The following DOCK8 variants were observed in gnomAD, a reference collection of about 807,000 sequenced individuals.
DOCK8 encodes dedicator of cytokinesis 8.
A neutral mutation model predicts 245.6 loss-of-function variants in DOCK8; 141 were observed. That is an observed-to-expected ratio of 0.57 (90% CI 0.50 to 0.66). The LOEUF (loss-of-function observed/expected upper bound fraction) is 0.66, where lower values mean the gene tolerates loss of function less well. Ranked by LOEUF, DOCK8 falls within the 30% of genes least tolerant of loss-of-function variation. The pLI, the probability that DOCK8 is intolerant of heterozygous loss-of-function variation, is 0.00. For synonymous variants in DOCK8, 1,168 were observed against 970.2 expected, an observed-to-expected ratio of 1.20 and a Z score of -3.79; for missense variants, 2,965 against 2,603.4, an observed-to-expected ratio of 1.14 and a Z score of -3.02.
intron 22 of DOCK8, 36 bp downstream of exon 22, chr9:382,721 G>A (rs753378638): frequency 1.9e-6 from 3 of 1,610,566 alleles, no homozygotes; most frequent in South Asian, 1.1e-5. Flanking sequence ...GGGGACACAG[G>A]CTTTTTTATT....
At chr9:358,473 A>G (rs894017750) in intron 14 of DOCK8, among the ~76,000 whole-genome samples, 1 of 152,246 alleles carries the variant, frequency 6.6e-6, no homozygotes, top group African/African-American at 2.4e-5. Context: ...AAAGGAAAAT[A>G]AGGAGAGAGA....
intron 14 of DOCK8, among the ~76,000 whole-genome samples, chr9:346,846 T>G (rs1563947812): frequency 6.6e-6 from 1 of 152,090 alleles, no homozygotes; most frequent in Non-Finnish European, 1.5e-5. Context: ...TATGATTTAG[T>G]GACTAGAACT....
chr9:404,495 T>C (rs1045319879), intron 26 of DOCK8, among the ~76,000 whole-genome samples: 3 of 152,196 alleles, frequency 2.0e-5, no homozygotes, highest in Non-Finnish European at 4.4e-5. Flanking sequence ...ACACTTGTAG[T>C]ATAAAAGTCA....
intron 2 of DOCK8, chr9:276,930 TC>T: frequency 3.4e-6 from 1 of 291,004 alleles, no homozygotes; most frequent in Non-Finnish European, 7.3e-6. Context: ...TGCCTCAGCC[TC>T]CCAAGTAACT....
intron 2 of DOCK8, among the ~76,000 whole-genome samples, chr9:279,999 G>C (rs988983549): frequency 6.6e-6 from 1 of 152,180 alleles, no homozygotes; most frequent in African/African-American, 2.4e-5. Flanking sequence ...ATACTACACT[G>C]TGTTAGGAGC....
chr9:376,620 G>C (rs1311004547), intron 19 of DOCK8, among the ~76,000 whole-genome samples: 1 of 152,126 alleles, frequency 6.6e-6, no homozygotes, highest in South Asian at 2.1e-4. Flanking sequence ...CACTTTGCCA[G>C]CTTTTAAAAA....
Position 271,642 on chromosome 9 carries a change from A to G in DOCK8, c.69A>G (p.Glu23=). ...TTAATCCAAGGTATTCTTCAGCGGA[A>G]ATAAGGAAACAGTTTACTCTCCCAC... is the stretch of plus-strand genomic sequence containing the variant. ...ALKINRYSSA[E]IRKQFTLPPN... Residue 23 remains glutamate (E), a synonymous_variant, in exon 2 of 48, where the codon GAA becomes GAG. Transcript: ENST00000432829. The G allele has an allele frequency of 1.3e-6, 2 of 1,550,358 alleles. No individual in the cohort carries two copies. The highest frequency in any genetic ancestry group is 1.7e-6 in the Non-Finnish European group (2 of 1,145,756).
intron 1 of DOCK8, 85 bp from the exon 2 acceptor site, chr9:271,542 T>G (rs2048165538): frequency 9.1e-7 from 1 of 1,100,152 alleles, no homozygotes; most frequent in Admixed American, 2.0e-5. Flanking sequence ...CTACGTTTTA[T>G]AACATGATAT....
At chr9:361,048 G>T (rs1187076813) in intron 14 of DOCK8, among the ~76,000 whole-genome samples, 1 of 152,098 alleles carries the variant, frequency 6.6e-6, no homozygotes, top group East Asian at 1.9e-4. Context: ...TGAATCTGTA[G>T]TCCTAGAAAC....
At chr9:400,983 C>CCAG (rs1274178044) in intron 26 of DOCK8, among the ~76,000 whole-genome samples, 1 of 124,220 alleles carries the variant, frequency 8.1e-6, no homozygotes. Flanking sequence ...ACCATCACCA[C>CCAG]CTCCTCCACC....
At chr9:346,014 C>T (rs35483336) in intron 14 of DOCK8, among the ~76,000 whole-genome samples, 23,352 of 151,800 alleles carry the variant, frequency 0.15, 2,067 homozygotes, top group Non-Finnish European at 0.2. Context: ...CCCAAACCAG[C>T]GGCTCGGGCC....
At chr9:446,093 C>A (rs1377956785) in intron 43 of DOCK8, among the ~76,000 whole-genome samples, 1 of 152,260 alleles carries the variant, frequency 6.6e-6, no homozygotes, top group African/African-American at 2.4e-5. Context: ...CATACCAAGG[C>A]TTCCACTGTG....
At chr9:370,758 A>G (rs1169030143) in intron 16 of DOCK8, among the ~76,000 whole-genome samples, 3 of 152,148 alleles carry the variant, frequency 2.0e-5, no homozygotes, top group African/African-American at 7.2e-5. Flanking sequence ...GTCATGGGAT[A>G]ATGCCCACCC....
intron 1 of DOCK8, among the ~76,000 whole-genome samples, chr9:269,626 GC>G (rs1050675959): frequency 3.4e-5 from 5 of 145,848 alleles, no homozygotes; most frequent in African/African-American, 1.3e-4. Context: ...AGCAATCTCA[GC>G]TCACTGTGAC....
intron 14 of DOCK8, among the ~76,000 whole-genome samples, chr9:348,309 A>G (rs1258859018): frequency 1.3e-5 from 2 of 152,180 alleles, no homozygotes; most frequent in Non-Finnish European, 2.9e-5. Flanking sequence ...TCCTAGAATC[A>G]TGGTTGAGGC....
chr9:440,081 C>T (rs145018860), intron 40 of DOCK8, among the ~76,000 whole-genome samples: 116 of 152,278 alleles, frequency 7.6e-4, no homozygotes, highest in African/African-American at 2.6e-3. Context: ...TGCAGTGGTG[C>T]AATCATGGCT....
chr9:400,944 C>T (rs1240690742), intron 26 of DOCK8, among the ~76,000 whole-genome samples: 1 of 74,512 alleles, frequency 1.3e-5, no homozygotes, highest in East Asian at 3.1e-4. Flanking sequence ...TCCACCACCA[C>T]CATCACCACC....
At chr9:351,209 G>A (rs558598542) in intron 14 of DOCK8, among the ~76,000 whole-genome samples, 1 of 152,276 alleles carries the variant, frequency 6.6e-6, no homozygotes, top group South Asian at 2.1e-4. Context: ...GTAGGTAACT[G>A]GGGAACGCCT....
upstream of DOCK8, chr9:214,763 A>T (rs1230813148): frequency 6.5e-7 from 1 of 1,537,768 alleles, no homozygotes; most frequent in Non-Finnish European, 8.7e-7. Context: ...CCTGCGCGCC[A>T]GGCCGGGTGG....
Sources: allele counts gnomAD v4.1 joint callset (sites outside exome capture counted in the v4.1 genomes callset), GRCh38; gene constraint gnomAD v4.1.1; transcripts MANE v1.5; gene names NCBI Gene and HGNC (gene_info 2026-07-23, HGNC 2026-07-21).